The following TRPC7 variants were observed in gnomAD, a reference collection of about 807,000 sequenced individuals.
TRPC7 encodes the protein short transient receptor potential channel 7.
Under a neutral mutation model 90.1 loss-of-function variants are expected in TRPC7, and 42 were observed. That is an observed-to-expected ratio of 0.47 (90% confidence interval 0.36 to 0.60). The LOEUF is 0.60. Ranked by LOEUF, TRPC7 falls within the 20% of genes least tolerant of loss-of-function variation. The pLI is 0.00. For synonymous variants in TRPC7, 451 were observed against 436.3 expected (o/e 1.03, Z -0.42); for missense variants, 955 against 1,112.3 (o/e 0.86, Z 2.01).
chr5:136,363,481 G>GA (rs1240653829), intron 1 of TRPC7, among the ~76,000 whole-genome samples: 4 of 151,476 alleles, frequency 2.6e-5, no homozygotes, highest in East Asian at 1.9e-4. Context: ...TTAAATAAAA[G>GA]AAAAAAAAGA....
intron 2 of TRPC7, among the ~76,000 whole-genome samples, chr5:136,320,452 C>T (rs1470259475): frequency 2.0e-5 from 3 of 152,154 alleles, no homozygotes. Context: ...TCTGTACACC[C>T]GCTCCAAAGG....
At position 136,274,905 on chromosome 5, in the gene TRPC7, G is replaced by C. The variant is rs937845160; in HGVS notation, c.964-68C>G. The C allele has an allele frequency of 3.3e-6, 5 of 1,500,448 alleles. No individual in the cohort carries two copies. In the Admixed American group the frequency reaches 6.2e-5, roughly 19 times the overall value. 92.9% of individuals were successfully genotyped at this position (1,500,448 alleles called of 1,614,324 possible). Reference sequence around the variant, plus strand: ...AAATGGCATTGATAGCACTTGAACAGTATACAACCTAGGAGTAGCTGGGGG... The same window carrying C: ...AAATGGCATTGATAGCACTTGAACACTATACAACCTAGGAGTAGCTGGGGG... On this transcript the variant is annotated intron_variant, in intron 3 of 11. Transcript: ENST00000513104.
Position 136,315,659 on chromosome 5 carries a change from AC to A in TRPC7, c.900del (p.Trp300CysfsTer9). ...ILNGDVNFQV[W>X]SDHHRPSLSR... Reference sequence around the variant, plus strand: ...CTCAGACTTGGACGGTGGTGGTCGGACCAGACTTGGAAGTTCACATCACCGT... The same window carrying A: ...CTCAGACTTGGACGGTGGTGGTCGGACAGACTTGGAAGTTCACATCACCGT... On this transcript the variant is annotated frameshift_variant, in exon 3 of 12. Coordinates refer to ENST00000513104, the MANE Select transcript of TRPC7 (RefSeq NM_020389.3). LOFTEE classifies it high-confidence loss of function. 1 of 1,613,898 alleles carries A rather than the reference AC, an allele frequency of 6.2e-7. No individual in the cohort carries two copies. The highest frequency in any genetic ancestry group is 1.1e-5 in the South Asian group (1 of 91,060).
In TRPC7 at chr5:136,247,698, T is replaced by C; in HGVS notation, c.1617A>G (p.Ile539Met). The stretch of plus-strand genomic sequence containing the variant: ...CGGCTATCGCGTAGAGCCCTTCCGA[T>C]ATGATCTGAGGGTCTGAAGGCCACC... ...DKWWPSDPQI[I>M]SEGLYAIAVV... Residue 539 changes from isoleucine (I) to methionine (M), a missense_variant, in exon 7 of 12, where the codon ATA (isoleucine) becomes ATG (methionine). Around this residue, in one of 4 missense-constraint regions of TRPC7, gnomAD observed 296 missense variants for 422.7 expected, o/e 0.70. Coordinates refer to ENST00000513104, the MANE Select transcript of TRPC7 (RefSeq NM_020389.3). The surrounding 1 kb of genome is among the most constrained non-coding windows in gnomAD (Gnocchi z 4.2). The C allele has an allele frequency of 6.2e-7, 1 of 1,613,926 alleles. No individual in the cohort carries two copies. Among genetic ancestry groups the C allele is most frequent in the Non-Finnish European group, 8.5e-7 (1 of 1,179,862 alleles).
intron 10 of TRPC7, among the ~76,000 whole-genome samples, chr5:136,223,127 G>A (rs543172740): frequency 1.1e-4 from 16 of 152,332 alleles, no homozygotes; most frequent in African/African-American, 3.8e-4. Flanking sequence ...ATTTGAATAA[G>A]TCACCTCAGG....
chr5:136,262,838 T>C (rs928013264), intron 5 of TRPC7, among the ~76,000 whole-genome samples: 6 of 152,140 alleles, frequency 3.9e-5, no homozygotes, highest in African/African-American at 7.2e-5. Context: ...CACATTCCAG[T>C]CTGTAGTGCA....
intron 2 of TRPC7, among the ~76,000 whole-genome samples, chr5:136,353,593 C>T (rs756095344): frequency 6.6e-6 from 1 of 152,266 alleles, no homozygotes; most frequent in South Asian, 2.1e-4. Flanking sequence ...AAGCTGCTCT[C>T]CTCTGAGAAG....
intron 3 of TRPC7, among the ~76,000 whole-genome samples, chr5:136,301,092 T>C (rs13171517): frequency 0.12 from 18,337 of 152,126 alleles, 1,158 homozygotes; most frequent in African/African-American, 0.14. Context: ...TGCAGTGGTA[T>C]GGTCTCAGCT....
chr5:136,256,035 T>C (rs1409652520), intron 5 of TRPC7, among the ~76,000 whole-genome samples: 3 of 152,202 alleles, frequency 2.0e-5, no homozygotes, highest in Non-Finnish European at 4.4e-5. Flanking sequence ...AATGCTACAC[T>C]TAACCTGTAT....
chr5:136,303,833 G>A (rs1039837692), intron 3 of TRPC7: 1 of 151,638 alleles, frequency 6.6e-6, no homozygotes, highest in African/African-American at 2.4e-5. Context: ...CGGATGCCGA[G>A]CTTCGGGTAA....
intron 5 of TRPC7, among the ~76,000 whole-genome samples, chr5:136,264,629 G>T (rs1756964561): frequency 6.6e-6 from 1 of 151,402 alleles, no homozygotes; most frequent in African/African-American, 2.4e-5. Flanking sequence ...GTCTTGCTCT[G>T]TCGCCCAGGC....
intron 2 of TRPC7, among the ~76,000 whole-genome samples, chr5:136,347,483 T>C (rs909322196): frequency 6.6e-6 from 1 of 152,204 alleles, no homozygotes; most frequent in Admixed American, 6.5e-5. Context: ...CATTTTCCTG[T>C]ACCTTAATGA....
intron 1 of TRPC7, among the ~76,000 whole-genome samples, chr5:136,364,479 A>G (rs538622912): frequency 1.3e-5 from 2 of 152,304 alleles, no homozygotes; most frequent in South Asian, 4.1e-4. Context: ...TGCTTCAGAA[A>G]TAAGACCCAC....
intron 3 of TRPC7, among the ~76,000 whole-genome samples, chr5:136,294,227 A>G (rs916493469): frequency 3.3e-5 from 5 of 152,222 alleles, no homozygotes; most frequent in African/African-American, 1.2e-4. Context: ...GGACATAGGC[A>G]TGGGCAAGGA....
chr5:136,214,593 T>A (rs1400710571), intron 11 of TRPC7, among the ~76,000 whole-genome samples: 1 of 152,206 alleles, frequency 6.6e-6, no homozygotes, highest in African/African-American at 2.4e-5. Flanking sequence ...TCAGTGATAT[T>A]CACATGAATC....
rs1423464053 is a variant in TRPC7, at chr5:136,247,367, T to C, written c.1844+104A>G. ...TAAAGTTGCCTTTAACCTTGAGAGATAGCAAGGAAACAGCAGTCTCTGCAA... is the reference window on the plus strand; with the variant it reads ...TAAAGTTGCCTTTAACCTTGAGAGACAGCAAGGAAACAGCAGTCTCTGCAA... On this transcript the variant is annotated intron_variant, in intron 7 of 11. Transcript: ENST00000513104. This position sits in a 1 kb window ranked among gnomAD's most constrained non-coding sequence, Gnocchi z 4.2. 1.2e-5 allele frequency: 16 copies of C among 1,292,286 alleles called. No homozygotes were observed. The highest frequency in any genetic ancestry group is 1.4e-5 in the Non-Finnish European group (13 of 948,528). 80.1% of individuals were successfully genotyped at this position (1,292,286 alleles called of 1,614,324 possible).
chr5:136,281,894 T>G (rs112986922), intron 3 of TRPC7, among the ~76,000 whole-genome samples: 45 of 152,304 alleles, frequency 3.0e-4, no homozygotes, highest in African/African-American at 1.0e-3. Flanking sequence ...ACAAACCACT[T>G]ATATCATGCA....
chr5:136,332,002 C>T (rs888481815), intron 2 of TRPC7, among the ~76,000 whole-genome samples: 1 of 152,082 alleles, frequency 6.6e-6, no homozygotes, highest in African/African-American at 2.4e-5. Flanking sequence ...ACTTGCAGCT[C>T]ATTCCTCAGG....
intron 3 of TRPC7, among the ~76,000 whole-genome samples, chr5:136,307,825 C>G (rs547276362): frequency 6.6e-6 from 1 of 152,336 alleles, no homozygotes; most frequent in African/African-American, 2.4e-5. Context: ...TGTAATTCTG[C>G]TTAGAAATCA....
Sources: allele counts gnomAD v4.1 joint callset (sites outside exome capture counted in the v4.1 genomes callset), GRCh38; gene constraint gnomAD v4.1.1; regional missense constraint gnomAD v4.1.1; non-coding constraint Gnocchi (gnomAD v3.1); transcripts MANE v1.5; gene names NCBI Gene and HGNC (gene_info 2026-07-23, HGNC 2026-07-21).